TMEM266: variants seen among roughly 807,000 people sequenced by gnomAD.
TMEM266 encodes Hv1 related protein 1.
A neutral mutation model predicts 50.5 loss-of-function variants in TMEM266; 33 were observed. That is an observed-to-expected ratio of 0.65 (90% confidence interval 0.50 to 0.87). TMEM266 has a LOEUF of 0.87. Among genes scored for constraint, TMEM266 ranks in the 40% least tolerant of loss-of-function variants. The pLI, the probability that TMEM266 is intolerant of heterozygous loss-of-function variation, is 0.00. For synonymous variants in TMEM266, 310 were observed against 292.3 expected, an observed-to-expected ratio of 1.06 and a Z score of -0.62; for missense variants, 655 against 695.1, an observed-to-expected ratio of 0.94 and a Z score of 0.65.
intron 7 of TMEM266, among the ~76,000 whole-genome samples, chr15:76,173,529 A>G (rs915310515): frequency 2.0e-5 from 3 of 152,232 alleles, no homozygotes; most frequent in Non-Finnish European, 4.4e-5. Flanking sequence ...TCAACCTCAG[A>G]GGCCAGGCTT....
chr15:76,188,362 C>T (rs62030183), intron 8 of TMEM266, among the ~76,000 whole-genome samples: 11,340 of 152,152 alleles, frequency 0.075, 484 homozygotes, highest in Middle Eastern at 0.12. Context: ...CTTATAAAGC[C>T]ATCAGATTGA....
chr15:76,091,273 A>T (rs1036877577), intron 1 of TMEM266, among the ~76,000 whole-genome samples: 2 of 152,106 alleles, frequency 1.3e-5, no homozygotes, highest in African/African-American at 4.8e-5. Context: ...TTGAGGGTGT[A>T]CTCCAGCAAA....
At chr15:76,088,983 A>C (rs1205659574) in intron 1 of TMEM266, among the ~76,000 whole-genome samples, 1 of 146,624 alleles carries the variant, frequency 6.8e-6, no homozygotes, top group Non-Finnish European at 1.5e-5. Flanking sequence ...TACTCCAGCT[A>C]TTCAGGTAGC....
At position 76,139,567 on chromosome 15, in the gene TMEM266, T is replaced by C. The variant is rs191189213; in HGVS notation, c.227+1672T>C. Among the ~76,000 whole-genome samples, 10 of 152,336 alleles carry C rather than the reference T, an allele frequency of 6.6e-5. No homozygotes were observed. The highest frequency in any genetic ancestry group is 2.2e-4 in the African/African-American group (9 of 41,582). The stretch of plus-strand genomic sequence containing the variant: ...GGCTAAATGCTCTGCCGCTGCTGTC[T>C]TGAAATTCTTAAGGAGCCCCACATT... On this transcript the variant is annotated intron_variant, in intron 3 of 10. Coordinates refer to ENST00000388942, the MANE Select transcript of TMEM266 (RefSeq NM_152335.3). This position sits in a 1 kb window ranked among gnomAD's most constrained non-coding sequence, Gnocchi z 4.1.
intron 1 of TMEM266, among the ~76,000 whole-genome samples, chr15:76,130,413 C>G (rs1046166045): frequency 6.6e-6 from 1 of 152,018 alleles, no homozygotes; most frequent in Non-Finnish European, 1.5e-5. Context: ...TGGCGGCACA[C>G]GCCTGTAATC....
intron 4 of TMEM266, among the ~76,000 whole-genome samples, chr15:76,157,140 G>A (rs2037939774): frequency 6.6e-6 from 1 of 152,092 alleles, no homozygotes; most frequent in Non-Finnish European, 1.5e-5. Context: ...ATTTACGGAG[G>A]CATCTCAGCT....
At chr15:76,127,206 A>AT (rs2037436751) in intron 1 of TMEM266, among the ~76,000 whole-genome samples, 1 of 152,014 alleles carries the variant, frequency 6.6e-6, no homozygotes, top group South Asian at 2.1e-4. Flanking sequence ...ATATCAAAAC[A>AT]TTACAGTTTA....
intron 1 of TMEM266, among the ~76,000 whole-genome samples, chr15:76,104,620 G>A (rs1596106845): frequency 6.6e-6 from 1 of 152,154 alleles, no homozygotes. Flanking sequence ...AGATGGAGAC[G>A]CTGCAGATAA....
At chr15:76,184,768 C>G (rs1193409767) in intron 8 of TMEM266, among the ~76,000 whole-genome samples, 1 of 152,186 alleles carries the variant, frequency 6.6e-6, no homozygotes, top group African/African-American at 2.4e-5. Context: ...ATTAAAAGCC[C>G]GGCCCCGATG....
At chr15:76,123,799 A>C (rs1363252510) in intron 1 of TMEM266, among the ~76,000 whole-genome samples, 1 of 151,034 alleles carries the variant, frequency 6.6e-6, no homozygotes, top group Non-Finnish European at 1.5e-5. Flanking sequence ...TGCAACCTCC[A>C]CCTCCTGGTT....
At chr15:76,082,693 G>A (rs909997586) in intron 1 of TMEM266, among the ~76,000 whole-genome samples, 2 of 152,182 alleles carry the variant, frequency 1.3e-5, no homozygotes, top group Non-Finnish European at 2.9e-5. Context: ...GTGTGGCTGG[G>A]CATGGTGGCT....
intron 1 of TMEM266, among the ~76,000 whole-genome samples, chr15:76,121,771 G>A (rs557240032): frequency 1.5e-3 from 224 of 152,278 alleles, no homozygotes; most frequent in African/African-American, 4.9e-3. Flanking sequence ...GCCTGCCAGC[G>A]TGAGGAATCA....
At chr15:76,152,482 C>T (rs2037859208) in intron 3 of TMEM266, among the ~76,000 whole-genome samples, 1 of 152,178 alleles carries the variant, frequency 6.6e-6, no homozygotes, top group Admixed American at 6.5e-5. Flanking sequence ...TCTGCCCTAG[C>T]TGGTGGTGGG....
At chr15:76,164,805 G>A (rs549201797) in intron 5 of TMEM266, among the ~76,000 whole-genome samples, 4 of 152,302 alleles carry the variant, frequency 2.6e-5, no homozygotes, top group Admixed American at 2.0e-4. Flanking sequence ...GGGTGGCCGC[G>A]GGCTTGGGGC....
intron 1 of TMEM266, among the ~76,000 whole-genome samples, chr15:76,102,201 A>G (rs974577692): frequency 1.3e-5 from 2 of 152,060 alleles, no homozygotes; most frequent in African/African-American, 4.8e-5. Flanking sequence ...TTTAACAACT[A>G]TTTCTTGAGC....
intron 5 of TMEM266, 151 bp from the exon 6 acceptor site, chr15:76,169,665 G>GAGGGCAC: frequency 1.2e-6 from 1 of 855,066 alleles, no homozygotes; most frequent in Non-Finnish European, 1.9e-6. Flanking sequence ...TGGGAGTGGA[G>GAGGGCAC]AGGGCACAGG....
At chr15:76,158,070 T>C (rs555962482) in intron 4 of TMEM266, among the ~76,000 whole-genome samples, 1 of 152,296 alleles carries the variant, frequency 6.6e-6, no homozygotes, top group African/African-American at 2.4e-5. Flanking sequence ...TTTCCTTCCA[T>C]TGGCAAAATC....
At chr15:76,149,120 TTC>T (rs1274383161) in intron 3 of TMEM266, among the ~76,000 whole-genome samples, 1 of 152,182 alleles carries the variant, frequency 6.6e-6, no homozygotes, top group East Asian at 1.9e-4. Context: ...GTGGTTCTGG[TTC>T]TCTCTGGGTG....
chr15:76,120,783 A>G (rs59894081), intron 1 of TMEM266, among the ~76,000 whole-genome samples: 5 of 147,286 alleles, frequency 3.4e-5, no homozygotes, highest in Admixed American at 1.4e-4. Flanking sequence ...AAAAAAAAAG[A>G]TAAGGAAAGA....
Sources: gnomAD v4.1 joint callset for allele counts (sites outside exome capture counted in the v4.1 genomes callset) on GRCh38, gnomAD v4.1.1 for gene constraint, Gnocchi (gnomAD v3.1) non-coding constraint, MANE v1.5 for transcripts, NCBI Gene and HGNC (gene_info 2026-07-23, HGNC 2026-07-21) for gene names.